The following KCNH7 variants were observed in gnomAD, a reference collection of about 807,000 sequenced individuals.
The protein encoded by KCNH7 is voltage-gated inwardly rectifying potassium channel KCNH7.
KCNH7 carries 49 observed loss-of-function variants against 120.8 expected under a neutral mutation model. The ratio of observed to expected loss-of-function variants is 0.41; its 90% CI spans 0.32 to 0.51. The LOEUF (loss-of-function observed/expected upper bound fraction) is 0.51, where lower values mean the gene tolerates loss of function less well. Among genes scored for constraint, KCNH7 ranks in the 20% least tolerant of loss-of-function variants. The pLI is 0.38. For synonymous variants in KCNH7, 547 were observed against 516.1 expected (o/e 1.06, Z -0.81); for missense variants, 1,097 against 1,446.6 (o/e 0.76, Z 3.92).
At chr2:162,690,366 C>A (rs1686057939) in intron 2 of KCNH7, among the ~76,000 whole-genome samples, 1 of 151,152 alleles carries the variant, frequency 6.6e-6, no homozygotes. Context: ...GCACTTGTAC[C>A]CATGAACTTA....
At chr2:162,394,984 T>C (rs1310809878) in intron 11 of KCNH7, among the ~76,000 whole-genome samples, 1 of 151,888 alleles carries the variant, frequency 6.6e-6, no homozygotes, top group Non-Finnish European at 1.5e-5. Context: ...ATGATCTTTA[T>C]GATAATCTAC....
chr2:162,492,261 G>A (rs549884301), intron 6 of KCNH7, among the ~76,000 whole-genome samples: 2 of 152,290 alleles, frequency 1.3e-5, no homozygotes, highest in African/African-American at 4.8e-5. Context: ...CATAAAGAGG[G>A]GTACTTCAGG....
At chr2:162,392,062 C>G (rs1228216766) in intron 12 of KCNH7, among the ~76,000 whole-genome samples, 2 of 151,906 alleles carry the variant, frequency 1.3e-5, no homozygotes, top group Non-Finnish European at 2.9e-5. Flanking sequence ...CTAAAGTTAT[C>G]TACAGTTTGG....
intron 2 of KCNH7, among the ~76,000 whole-genome samples, chr2:162,593,353 A>G (rs1313565675): frequency 6.6e-6 from 1 of 152,094 alleles, no homozygotes; most frequent in Non-Finnish European, 1.5e-5. Context: ...GGTGTTCTGT[A>G]TTATTGAAAA....
At chr2:162,527,298 A>C (rs1691741909) in intron 3 of KCNH7, among the ~76,000 whole-genome samples, 1 of 152,026 alleles carries the variant, frequency 6.6e-6, no homozygotes, top group South Asian at 2.1e-4. Flanking sequence ...CCTTTAACTA[A>C]ATTAATCTGA....
Position 162,444,740 on chromosome 2 carries a change from G to A in KCNH7, c.1554+1278C>T, listed in dbSNP as rs1048666698. Among the ~76,000 whole-genome samples, 6 of 152,172 alleles carry A rather than the reference G, an allele frequency of 3.9e-5. No homozygotes were observed. In the East Asian group the frequency reaches 1.2e-3, roughly 29 times the overall value. Reference sequence around the variant, plus strand: ...ACATAAGCTTATTTGGTGCAATGATGTGAACCACCCATTATAAGAAACTCA... The same window carrying A: ...ACATAAGCTTATTTGGTGCAATGATATGAACCACCCATTATAAGAAACTCA... On this transcript the variant is annotated intron_variant, in intron 7 of 15. Coordinates refer to ENST00000332142, the MANE Select transcript of KCNH7 (RefSeq NM_033272.4).
intron 2 of KCNH7, among the ~76,000 whole-genome samples, chr2:162,779,916 TTCC>T (rs1559130311): frequency 1.3e-5 from 2 of 152,342 alleles, no homozygotes; most frequent in East Asian, 3.9e-4. Flanking sequence ...TTGCCTCCAC[TTCC>T]TCAAGGTACA....
At chr2:162,616,434 C>G (rs1164740969) in intron 2 of KCNH7, among the ~76,000 whole-genome samples, 2 of 152,148 alleles carry the variant, frequency 1.3e-5, no homozygotes, top group African/African-American at 2.4e-5. Context: ...CTTTAGAAAA[C>G]TTAGACTTTT....
chr2:162,772,846 T>A (rs1029643939), intron 2 of KCNH7, among the ~76,000 whole-genome samples: 4 of 152,216 alleles, frequency 2.6e-5, no homozygotes, highest in Non-Finnish European at 5.9e-5. Flanking sequence ...TGTTTGAGAA[T>A]CTTATACAGC....
chr2:162,662,155 C>T (rs1443094402), intron 2 of KCNH7, among the ~76,000 whole-genome samples: 1 of 151,906 alleles, frequency 6.6e-6, no homozygotes, highest in South Asian at 2.1e-4. Context: ...CCCAGCTACT[C>T]GGGAGGCTGA....
intron 2 of KCNH7, among the ~76,000 whole-genome samples, chr2:162,620,931 T>C (rs1328919263): frequency 6.6e-6 from 1 of 152,146 alleles, no homozygotes; most frequent in African/African-American, 2.4e-5. Context: ...GGAATTCTGT[T>C]ATTATGCTGG....
intron 12 of KCNH7, among the ~76,000 whole-genome samples, chr2:162,389,701 G>A (rs538486519): frequency 1.2e-4 from 18 of 152,090 alleles, no homozygotes; most frequent in East Asian, 3.9e-4. Context: ...GCGTTTCCAC[G>A]CAATAAAACC....
rs374582778 is a variant in KCNH7 at position 162,836,628 on chromosome 2, G to A, written c.216C>T (p.Pro72=). 24 of 1,613,936 alleles carry A rather than the reference G, an allele frequency of 1.5e-5. No homozygotes were observed. Among genetic ancestry groups the A allele is most frequent in the East Asian group, 1.1e-4 (5 of 44,878 alleles). Residue 72 remains proline (P), a synonymous_variant, in exon 2 of 16, where the codon CCC becomes CCT. Coordinates refer to ENST00000332142, the MANE Select transcript of KCNH7 (RefSeq NM_033272.4). ...KPCTCDFLHG[P]ETKRHDIAQI... Reference sequence around the variant, plus strand: ...GGGCAATATCATGCCTCTTGGTCTCGGGTCCATGGAGAAAGTCGCAGGTGC... The same window carrying A: ...GGGCAATATCATGCCTCTTGGTCTCAGGTCCATGGAGAAAGTCGCAGGTGC...
chr2:162,575,813 T>C (rs1693651448), intron 2 of KCNH7, among the ~76,000 whole-genome samples: 1 of 152,120 alleles, frequency 6.6e-6, no homozygotes, highest in Non-Finnish European at 1.5e-5. Context: ...TTTATGTCAG[T>C]TGTAGATTAG....
At chr2:162,519,811 A>G (rs566746220) in intron 3 of KCNH7, among the ~76,000 whole-genome samples, 1 of 151,908 alleles carries the variant, frequency 6.6e-6, no homozygotes, top group South Asian at 2.1e-4. Context: ...CTACCTTCTT[A>G]TATTATTTAA....
intron 2 of KCNH7, among the ~76,000 whole-genome samples, chr2:162,711,739 C>G (rs1240684205): frequency 2.0e-5 from 3 of 152,058 alleles, no homozygotes; most frequent in Admixed American, 6.6e-5. Context: ...ATGCTTCACA[C>G]AGTAAACGTT....
At chr2:162,510,714 T>G (rs1691042363) in intron 5 of KCNH7, among the ~76,000 whole-genome samples, 1 of 151,724 alleles carries the variant, frequency 6.6e-6, no homozygotes, top group African/African-American at 2.4e-5. Context: ...AACCTGCATT[T>G]TTTAGTTTTT....
At chr2:162,768,612 A>C (rs780089422) in intron 2 of KCNH7, among the ~76,000 whole-genome samples, 34 of 152,194 alleles carry the variant, frequency 2.2e-4, no homozygotes. Flanking sequence ...AGAGGCCAGT[A>C]GGATTTTTTT....
chr2:162,410,869 C>A (rs1395420045), intron 9 of KCNH7, among the ~76,000 whole-genome samples: 1 of 151,972 alleles, frequency 6.6e-6, no homozygotes, highest in Non-Finnish European at 1.5e-5. Context: ...CAATAATTAT[C>A]AGAGAAATGC....
Sources: allele counts gnomAD v4.1 joint callset (sites outside exome capture counted in the v4.1 genomes callset), GRCh38; gene constraint gnomAD v4.1.1; transcripts MANE v1.5; gene names NCBI Gene and HGNC (gene_info 2026-07-23, HGNC 2026-07-21).